The following PCDHGA4 variants were observed in gnomAD, a reference collection of about 807,000 sequenced individuals.
PCDHGA4 encodes the protein protocadherin gamma-A4.
In PCDHGA4, 38 loss-of-function variants were observed where a neutral mutation model predicts 54.6. That is an observed-to-expected ratio of 0.70 (90% CI 0.54 to 0.91). The LOEUF is 0.91. PCDHGA4 is among the 40% of genes least tolerant of loss of function. The pLI is 0.00. For synonymous variants in PCDHGA4, 511 were observed against 512.9 expected, an observed-to-expected ratio of 1.00 and a Z score of 0.05; for missense variants, 1,298 against 1,220.9, an observed-to-expected ratio of 1.06 and a Z score of -0.94.
intron 1 of PCDHGA4, among the ~76,000 whole-genome samples, chr5:141,382,425 AAG>A (rs1778199818): frequency 6.6e-6 from 1 of 152,212 alleles, no homozygotes; most frequent in Admixed American, 6.5e-5. Flanking sequence ...CAGTGCCCAA[AAG>A]AGTCACTTGA....
intron 2 of PCDHGA4, among the ~76,000 whole-genome samples, chr5:141,499,256 A>G (rs371266271): frequency 6.6e-6 from 1 of 151,968 alleles, no homozygotes; most frequent in Non-Finnish European, 1.5e-5. Context: ...AAGAGTCTCC[A>G]TTTGGTCCCT....
rs774288267 is a variant in PCDHGA4, at chr5:141,392,993, G to A, written c.2514+35372G>A. On this transcript the variant is annotated intron_variant, in intron 1 of 3. Transcript: ENST00000571252. ...TGGGGCTGGACCCCCGGAAGCTGGCGAAGCACGGAGTCCGTATCGTCTCCA... is the reference window on the plus strand; with the variant it reads ...TGGGGCTGGACCCCCGGAAGCTGGCAAAGCACGGAGTCCGTATCGTCTCCA... The A allele has an allele frequency of 5.0e-6, 8 of 1,613,802 alleles. 1 individual carries two copies. In the South Asian group the frequency reaches 6.6e-5, roughly 13 times the overall value.
At chr5:141,438,418 G>C (rs2097959406) in intron 1 of PCDHGA4, among the ~76,000 whole-genome samples, 1 of 151,534 alleles carries the variant, frequency 6.6e-6, no homozygotes, top group Admixed American at 6.6e-5. Flanking sequence ...ATTTCACACA[G>C]TAGTTTGTAC....
At chr5:141,488,011 T>C (rs1424799954) in intron 1 of PCDHGA4, among the ~76,000 whole-genome samples, 1 of 152,182 alleles carries the variant, frequency 6.6e-6, no homozygotes, top group Non-Finnish European at 1.5e-5. Context: ...GATTCTGAAG[T>C]ACCTTAACTC....
rs547129690 is a variant in PCDHGA4, at chr5:141,385,366, C to A, written c.2514+27745C>A. On this transcript the variant is annotated intron_variant, in intron 1 of 3. Transcript: ENST00000571252. ...TTTATTTCCATGAGGAATTTATTTG[C>A]ATGATATTTCTCTATTATTTTGCAA... The A allele has an allele frequency of 5.9e-6, 9 of 1,535,728 alleles. No individual in the cohort carries two copies. The South Asian group carries it at 9.0e-5, about 15-fold the overall frequency.
intron 1 of PCDHGA4, among the ~76,000 whole-genome samples, chr5:141,438,674 A>C (rs894070572): frequency 1.9e-4 from 25 of 134,850 alleles, no homozygotes; most frequent in Non-Finnish European, 3.1e-4. Context: ...ATATATTTGG[A>C]GTAGGGGATG....
In PCDHGA4 at chr5:141,454,796, ATTTTT is replaced by A. The variant is rs61612330; in HGVS notation, c.2515-39986_2515-39982del. Among the ~76,000 whole-genome samples the A allele has an allele frequency of 4.9e-3, 378 of 77,354 alleles. 2 individuals carry two copies. Among genetic ancestry groups the A allele is most frequent in the Admixed American group, 9.2e-3 (51 of 5,544 alleles). 50.7% of individuals were successfully genotyped at this position (77,354 alleles called of 152,430 possible). On this transcript the variant is annotated intron_variant, in intron 1 of 3. Coordinates refer to ENST00000571252, the MANE Select transcript of PCDHGA4 (RefSeq NM_018917.4). ...AAGGAAATAATCCTCCATGGTTCTA[ATTTTT>A]TTTTTTTTTTTTTTTTTTTTTTTTG...
At chr5:141,478,924 T>C (rs1213046748) in intron 1 of PCDHGA4, 10 of 704,004 alleles carry the variant, frequency 1.4e-5, no homozygotes. Context: ...CTCTAACCAG[T>C]GGCAGCTTCT....
intron 1 of PCDHGA4, chr5:141,427,054 C>T (rs1235803553): frequency 4.4e-6 from 2 of 457,580 alleles, no homozygotes; most frequent in Admixed American, 4.7e-5. Context: ...CCCCCAGGCA[C>T]CTCTGTACTA....
At chr5:141,450,006 C>CTTTTTTT (rs1554136305) in intron 1 of PCDHGA4, among the ~76,000 whole-genome samples, 1 of 132,982 alleles carries the variant, frequency 7.5e-6, no homozygotes, top group Admixed American at 7.8e-5. Context: ...TGCCATGTCT[C>CTTTTTTT]TTTTTTTTTT....
chr5:141,397,805 A>G (rs1015155491), intron 1 of PCDHGA4, among the ~76,000 whole-genome samples: 1 of 152,236 alleles, frequency 6.6e-6, no homozygotes, highest in African/African-American at 2.4e-5. Flanking sequence ...TAAGTTAGGC[A>G]CACAAAAACA....
At chr5:141,395,558 G>T (rs60237573) in intron 1 of PCDHGA4, 12 of 127,934 alleles carry the variant, frequency 9.4e-5, no homozygotes, top group African/African-American at 5.1e-4. Context: ...GTGTGTGTGT[G>T]TGTGTGTGTG....
intron 1 of PCDHGA4, among the ~76,000 whole-genome samples, chr5:141,367,949 A>G (rs144686232): frequency 4.9e-4 from 75 of 152,326 alleles, no homozygotes; most frequent in African/African-American, 1.7e-3. Context: ...AAAATTTTAA[A>G]TTTCATATCT....
chr5:141,440,980 C>T (rs972732898), intron 1 of PCDHGA4: 1 of 152,242 alleles, frequency 6.6e-6, no homozygotes. Context: ...GCTTCACAAC[C>T]CAGAGTACCC....
chr5:141,371,138 G>C lies in PCDHGA4; in HGVS notation c.2514+13517G>C, dbSNP rs761615775. 4.3e-6 allele frequency: 7 copies of C among 1,613,870 alleles called. No individual in the cohort carries two copies. In the East Asian group the frequency reaches 1.6e-4, roughly 36 times the overall value. On this transcript the variant is annotated intron_variant, in intron 1 of 3. Transcript: ENST00000571252. ...CAGTATTTACTCAGGACATGTACAG[G>C]GTCAATGTTGCAGAGAACCTGCCCG...
intron 1 of PCDHGA4, chr5:141,479,196 C>T (rs2099489838): frequency 2.0e-5 from 3 of 152,432 alleles, no homozygotes; most frequent in African/African-American, 7.2e-5. Context: ...TCAGAAAATA[C>T]AGAAAAGTAT....
Position 141,427,553 on chromosome 5 carries a change from TG to T in PCDHGA4, c.2515-67253del, listed in dbSNP as rs201716174. ...AGTACAACGTCACCATCACTGCCAC[TG>T]ACAAGGGCAAGCCTCCGCTCTCATC... On this transcript the variant is annotated intron_variant, in intron 1 of 3. Transcript: ENST00000571252. 2.7e-3 allele frequency: 1,760 copies of T among 646,124 alleles called. 23 individuals are homozygous for T. In the African/African-American group the frequency reaches 0.028, roughly 10 times the overall value. 40.0% of individuals were successfully genotyped at this position (646,124 alleles called of 1,614,324 possible).
chr5:141,451,908 G>C (rs899191624), intron 1 of PCDHGA4, among the ~76,000 whole-genome samples: 1 of 152,046 alleles, frequency 6.6e-6, no homozygotes, highest in Non-Finnish European at 1.5e-5. Flanking sequence ...AAGGGAGGGA[G>C]GGAGGAAGGA....
intron 1 of PCDHGA4, chr5:141,382,999 T>C (rs1208869928): frequency 6.2e-7 from 1 of 1,613,770 alleles, no homozygotes; most frequent in Non-Finnish European, 8.5e-7. Context: ...TATTCTCTAC[T>C]CCGTGTCGGA....
Sources: gnomAD v4.1 joint callset for allele counts (sites outside exome capture counted in the v4.1 genomes callset) on GRCh38, gnomAD v4.1.1 for gene constraint, MANE v1.5 for transcripts, NCBI Gene and HGNC (gene_info 2026-07-23, HGNC 2026-07-21) for gene names.